FRMD4A: variants seen among roughly 807,000 people sequenced by gnomAD.
FRMD4A encodes FERM domain-containing protein 4A.
Under a neutral mutation model 129.1 loss-of-function variants are expected in FRMD4A, and 29 were observed. The ratio of observed to expected loss-of-function variants is 0.22; its 90% CI spans 0.17 to 0.31. The LOEUF (loss-of-function observed/expected upper bound fraction) is 0.31, where lower values mean the gene tolerates loss of function less well. Ranked by LOEUF, FRMD4A falls within the 10% of genes least tolerant of loss-of-function variation. FRMD4A has a pLI of 1.00. For synonymous variants in FRMD4A, 634 were observed against 571.6 expected, an observed-to-expected ratio of 1.11 and a Z score of -1.56; for missense variants, 1,272 against 1,375.8, an observed-to-expected ratio of 0.92 and a Z score of 1.19.
At chr10:13,837,196 T>C (rs193144021) in intron 3 of FRMD4A, among the ~76,000 whole-genome samples, 184 of 152,284 alleles carry the variant, frequency 1.2e-3, no homozygotes, top group African/African-American at 4.4e-3. Context: ...CAGAAATGCT[T>C]TCCTCAAGGG....
chr10:13,861,846 A>G (rs2094299252), intron 2 of FRMD4A, among the ~76,000 whole-genome samples: 1 of 152,246 alleles, frequency 6.6e-6, no homozygotes, highest in Non-Finnish European at 1.5e-5. Context: ...AATGAAAGCC[A>G]TTACAATTTT....
intron 3 of FRMD4A, among the ~76,000 whole-genome samples, chr10:13,830,474 T>A (rs899197268): frequency 6.6e-5 from 10 of 152,214 alleles, no homozygotes; most frequent in Non-Finnish European, 1.5e-4. Context: ...TGAGCCAAGA[T>A]GAGAGGTCAA....
At chr10:14,309,296 T>C (rs1401627199) in intron 2 of FRMD4A, among the ~76,000 whole-genome samples, 3 of 151,980 alleles carry the variant, frequency 2.0e-5, no homozygotes, top group Admixed American at 2.0e-4. Flanking sequence ...AAAAAATTTT[T>C]TAAATTAGCT....
intron 2 of FRMD4A, among the ~76,000 whole-genome samples, chr10:13,968,198 G>C: frequency 6.6e-6 from 1 of 152,126 alleles, no homozygotes; most frequent in East Asian, 1.9e-4. Flanking sequence ...AATCAGAACC[G>C]CTGGGAGTCA....
intron 2 of FRMD4A, among the ~76,000 whole-genome samples, chr10:13,994,887 A>C (rs1042688395): frequency 6.6e-6 from 1 of 152,174 alleles, no homozygotes; most frequent in South Asian, 2.1e-4. Context: ...TTTTCCTGCT[A>C]CATTTCTTCC....
intron 2 of FRMD4A, among the ~76,000 whole-genome samples, chr10:14,084,401 C>T (rs1836128476): frequency 6.6e-6 from 1 of 152,208 alleles, no homozygotes; most frequent in African/African-American, 2.4e-5. Flanking sequence ...CCTGCCTTGG[C>T]CCCCCAAAGT....
chr10:13,993,819 G>T lies in FRMD4A; in HGVS notation c.46-134907C>A, dbSNP rs566637385. Among the ~76,000 whole-genome samples the T allele has an allele frequency of 2.7e-5, 4 of 148,832 alleles. No homozygotes were observed. The East Asian group carries it at 8.2e-4, about 31-fold the overall frequency. On this transcript the variant is annotated intron_variant, in intron 2 of 24. Transcript: ENST00000357447. ...TGTATTCAAATATATTTTAAAATTT[G>T]CATTTGACCTGTCAGAATAGGTTTT...
At chr10:13,851,880 C>T (rs935263226) in intron 3 of FRMD4A, among the ~76,000 whole-genome samples, 1 of 142,750 alleles carries the variant, frequency 7.0e-6, no homozygotes, top group African/African-American at 2.6e-5. Flanking sequence ...AGCCTGGTGA[C>T]AAAGCAAGAC....
chr10:14,153,387 C>G (rs539125831), intron 2 of FRMD4A, among the ~76,000 whole-genome samples: 42 of 152,320 alleles, frequency 2.8e-4, no homozygotes, highest in African/African-American at 9.9e-4. Context: ...TGCGTGTACT[C>G]CCCTTCTGTA....
chr10:13,684,196 A>C (rs2084873478), intron 15 of FRMD4A: 1 of 367,668 alleles, frequency 2.7e-6, no homozygotes, highest in African/African-American at 2.2e-5. Context: ...AGCACATTTC[A>C]ATCCTAATCC....
In FRMD4A at chr10:13,693,551, C is replaced by G. The variant is rs879220926; in HGVS notation, c.1117+347G>C. On this transcript the variant is annotated intron_variant, in intron 15 of 24. Coordinates refer to ENST00000357447, the MANE Select transcript of FRMD4A (RefSeq NM_018027.5). ...CACAACACACAAGTGGGCACATGAG[C>G]GGATTCCACTTTTCACCCTTGGACC... The G allele has an allele frequency of 5.8e-6, 7 of 1,196,776 alleles. No individual in the cohort carries two copies. In the Admixed American group the frequency reaches 2.2e-4, roughly 38 times the overall value. 74.1% of individuals were successfully genotyped at this position (1,196,776 alleles called of 1,614,324 possible). A position where few individuals can be genotyped will look rare whatever the true frequency, so the allele number is the denominator to read the frequency against.
At chr10:14,012,849 A>G (rs2095686855) in intron 2 of FRMD4A, among the ~76,000 whole-genome samples, 1 of 152,178 alleles carries the variant, frequency 6.6e-6, no homozygotes, top group Admixed American at 6.5e-5. Context: ...GTCCACTCAC[A>G]TGTGCATCTG....
chr10:13,871,677 T>G (rs1186196316), intron 2 of FRMD4A, among the ~76,000 whole-genome samples: 1 of 152,194 alleles, frequency 6.6e-6, no homozygotes, highest in Non-Finnish European at 1.5e-5. Flanking sequence ...AGACCTGGCC[T>G]GCAGAGAAGG....
chr10:14,230,040 C>T (rs998994229), intron 2 of FRMD4A, among the ~76,000 whole-genome samples: 1 of 152,186 alleles, frequency 6.6e-6, no homozygotes, highest in African/African-American at 2.4e-5. Context: ...GAGAGGTTTT[C>T]AGAGCTCAAC....
At chr10:14,324,909 C>A (rs2132125487) in intron 2 of FRMD4A, among the ~76,000 whole-genome samples, 1 of 152,336 alleles carries the variant, frequency 6.6e-6, no homozygotes, top group East Asian at 1.9e-4. Context: ...GATCTGCCTG[C>A]CTCAGCTTCC....
At chr10:13,928,180 A>C (rs988302034) in intron 2 of FRMD4A, among the ~76,000 whole-genome samples, 4 of 152,136 alleles carry the variant, frequency 2.6e-5, no homozygotes, top group African/African-American at 9.6e-5. Flanking sequence ...TTCACCATGC[A>C]TAGCCAACTT....
intron 2 of FRMD4A, among the ~76,000 whole-genome samples, chr10:14,168,213 C>T (rs1257232701): frequency 6.6e-6 from 1 of 152,172 alleles, no homozygotes; most frequent in East Asian, 1.9e-4. Flanking sequence ...TGGTAAATGA[C>T]TAACAACCGG....
chr10:14,021,354 C>A (rs11258806), intron 2 of FRMD4A, among the ~76,000 whole-genome samples: 2 of 150,476 alleles, frequency 1.3e-5, no homozygotes, highest in East Asian at 3.9e-4. Flanking sequence ...CAAGCCTGGG[C>A]AATATAACAA....
At chr10:13,675,078 G>A in intron 15 of FRMD4A, 34 bp from the exon 16 acceptor site, 1 of 1,596,298 alleles carries the variant, frequency 6.3e-7, no homozygotes, top group Non-Finnish European at 8.5e-7. Context: ...TTGGCCAGCT[G>A]ACAGGGGACA....
Sources: gnomAD v4.1 joint callset for allele counts (sites outside exome capture counted in the v4.1 genomes callset) on GRCh38, gnomAD v4.1.1 for gene constraint, MANE v1.5 for transcripts, NCBI Gene and HGNC (gene_info 2026-07-23, HGNC 2026-07-21) for gene names.